TANGO6: variants seen among roughly 807,000 people sequenced by gnomAD.
The protein encoded by TANGO6 is transport and Golgi organization protein 6 homolog.
Under a neutral mutation model 114.2 loss-of-function variants are expected in TANGO6, and 90 were observed. That is an observed-to-expected ratio of 0.79 (90% CI 0.66 to 0.94). The LOEUF (loss-of-function observed/expected upper bound fraction) is 0.94, where lower values mean the gene tolerates loss of function less well. Among genes scored for constraint, TANGO6 ranks in the 40% least tolerant of loss-of-function variants. TANGO6 has a pLI of 0.00. For missense variants in TANGO6, 1,274 were observed against 1,315.3 expected (o/e 0.97, Z 0.49); for synonymous variants, 477 against 509.8 (o/e 0.94, Z 0.87).
intron 4 of TANGO6, among the ~76,000 whole-genome samples, chr16:68,871,829 A>G (rs1352763757): frequency 6.6e-6 from 1 of 152,202 alleles, no homozygotes; most frequent in Non-Finnish European, 1.5e-5. Flanking sequence ...CATATTGCCC[A>G]GGCAGGTCTT....
chr16:68,875,159 G>A lies in TANGO6; in HGVS notation c.1000G>A (p.Ala334Thr). 1 of 1,610,672 alleles carries A rather than the reference G, an allele frequency of 6.2e-7. No individual in the cohort carries two copies. ...RGILEGAGAG[A>T]AGGSDAEVTA... is the part of the protein sequence containing the mutation. ...ATCTCTCTCCATTGTGCCAGCGGGA[G>A]CAGCTGGTGGAAGTGATGCTGAGGT... Residue 334 changes from alanine (A) to threonine (T), a missense_variant, in exon 5 of 18, where the codon GCA (alanine) becomes ACA (threonine). Physicochemically the swap from Ala to Thr is moderately conservative, Grantham distance 58. This residue lies in a region of TANGO6 where 908 missense variants were observed against 910.2 expected (regional missense o/e 1.00). Transcript: ENST00000261778.
chr16:69,078,164 G>A (rs1391194191), intron 17 of TANGO6, among the ~76,000 whole-genome samples: 1 of 152,178 alleles, frequency 6.6e-6, no homozygotes, highest in Non-Finnish European at 1.5e-5. Context: ...GCCTTGAGAG[G>A]AGCTTTGTTC....
chr16:68,927,590 T>C lies in TANGO6; in HGVS notation c.2150T>C (p.Val717Ala). 6.2e-7 allele frequency: 1 copy of C among 1,613,578 alleles called. No homozygotes were observed. The highest frequency in any genetic ancestry group is 8.5e-7 in the Non-Finnish European group (1 of 1,179,570). Residue 717 changes from valine to alanine, a missense_variant, in exon 13 of 18, where the codon GTT (valine) becomes GCT (alanine). This residue lies in a region of TANGO6 where 908 missense variants were observed against 910.2 expected (regional missense o/e 1.00). Coordinates refer to ENST00000261778, the MANE Select transcript of TANGO6 (RefSeq NM_024562.2). ...TAGTTGAAGTCAAGTGATTTTGCTG[T>C]TCTGAAGCAGTTGTTGCCTCTGTTG... ...AVQLKSSDFA[V>A]LKQLLPLLEK...
intron 17 of TANGO6, among the ~76,000 whole-genome samples, chr16:69,060,384 TG>T (rs1960096063): frequency 6.6e-6 from 1 of 152,044 alleles, no homozygotes; most frequent in Non-Finnish European, 1.5e-5. Flanking sequence ...AAATCATTTC[TG>T]TAAGAGGCCT....
rs1963051862 is a variant in TANGO6 at position 68,919,072 on chromosome 16, C to G, written c.1993-13C>G. 1 of 1,600,338 alleles carries G rather than the reference C, an allele frequency of 6.2e-7. No homozygotes were observed. The highest frequency in any genetic ancestry group is 8.5e-7 in the Non-Finnish European group (1 of 1,172,826). ...TCATTCCTCATTGATTCTCAATTCCCTTTTTTGGGTAGGTGGTGGACTTTG... is the reference window on the plus strand; with the variant it reads ...TCATTCCTCATTGATTCTCAATTCCGTTTTTTGGGTAGGTGGTGGACTTTG... On this transcript the variant is annotated splice_polypyrimidine_tract_variant and intron_variant, in intron 11 of 17. Transcript: ENST00000261778.
At chr16:68,902,558 C>A in intron 9 of TANGO6, 54 bp downstream of exon 9, 1 of 1,454,338 alleles carries the variant, frequency 6.9e-7, no homozygotes, top group Non-Finnish European at 9.1e-7. Flanking sequence ...GCCCAAAAGG[C>A]CATTCAGTGA....
rs376126358 is a variant in TANGO6, at chr16:68,996,746, T to A, written c.2842+22578T>A. Among the ~76,000 whole-genome samples the A allele has an allele frequency of 8.7e-4, 133 of 152,340 alleles. 6 individuals carry two copies. In the South Asian group the frequency reaches 0.025, roughly 29 times the overall value. ...TATGTATTGCATCCTTTGACCATTTTATGCTTTTACCTTTTTTCTCCCCAA... is the reference window on the plus strand; with the variant it reads ...TATGTATTGCATCCTTTGACCATTTAATGCTTTTACCTTTTTTCTCCCCAA... On this transcript the variant is annotated intron_variant, in intron 15 of 17. Coordinates refer to ENST00000261778, the MANE Select transcript of TANGO6 (RefSeq NM_024562.2).
intron 15 of TANGO6, among the ~76,000 whole-genome samples, chr16:69,006,318 A>G (rs1567557283): frequency 6.6e-6 from 1 of 152,238 alleles, no homozygotes; most frequent in Non-Finnish European, 1.5e-5. Flanking sequence ...GATTGTGCTT[A>G]CACACATAGA....
chr16:68,990,648 C>T (rs1963938579), intron 15 of TANGO6, among the ~76,000 whole-genome samples: 1 of 152,148 alleles, frequency 6.6e-6, no homozygotes, highest in Non-Finnish European at 1.5e-5. Context: ...CTCAAGTGAT[C>T]CTCCCACCTC....
At chr16:68,940,918 G>A (rs745828732) in intron 14 of TANGO6, among the ~76,000 whole-genome samples, 3 of 152,022 alleles carry the variant, frequency 2.0e-5, no homozygotes, top group East Asian at 1.9e-4. Flanking sequence ...ACAGTCTTGC[G>A]GCTGGGAAGC....
intron 15 of TANGO6, among the ~76,000 whole-genome samples, chr16:69,020,944 T>TGTGTGTGTG (rs1959395979): frequency 7.1e-5 from 10 of 141,260 alleles, no homozygotes; most frequent in Non-Finnish European, 1.1e-4. Flanking sequence ...GTGTGTGTGG[T>TGTGTGTGTG]GTGTGTGTGT....
intron 17 of TANGO6, among the ~76,000 whole-genome samples, chr16:69,077,468 T>A (rs1298240934): frequency 6.6e-6 from 1 of 152,002 alleles, no homozygotes; most frequent in African/African-American, 2.4e-5. Context: ...TCACTCATAC[T>A]TTTTTTTAGG....
At chr16:68,932,396 A>G (rs969132232) in intron 14 of TANGO6, among the ~76,000 whole-genome samples, 2 of 152,188 alleles carry the variant, frequency 1.3e-5, no homozygotes, top group Non-Finnish European at 2.9e-5. Flanking sequence ...TGGCCAAAAT[A>G]AAATTTAATT....
intron 17 of TANGO6, among the ~76,000 whole-genome samples, chr16:69,082,503 T>C (rs1274233662): frequency 6.6e-6 from 1 of 151,614 alleles, no homozygotes; most frequent in Non-Finnish European, 1.5e-5. Context: ...TAGCAATACT[T>C]TGGGAGGCCG....
chr16:69,021,886 C>CTT (rs757995347), intron 15 of TANGO6, among the ~76,000 whole-genome samples: 11 of 127,862 alleles, frequency 8.6e-5, no homozygotes, highest in African/African-American at 2.3e-4. Flanking sequence ...ATTTTTTTTT[C>CTT]TTTTTTTTTT....
At position 68,974,033 on chromosome 16, in the gene TANGO6, G is replaced by T; in HGVS notation, c.2707G>T (p.Ala903Ser). Reference sequence around the variant, plus strand: ...CTTTTTGTTTTCAACCCCAGGGGTTGCCCTGCTGTCAGACGTCTATCCTGA... The same window carrying T: ...CTTTTTGTTTTCAACCCCAGGGGTTTCCCTGCTGTCAGACGTCTATCCTGA... ...FVYLSAIQGV[A>S]LLSDVYPEKI... The change falls in exon 15 of 18, where the codon GCC (alanine) becomes TCC (serine). Residue 903 changes from alanine (A) to serine (S), a missense_variant. Ala to Ser is a moderately conservative substitution (Grantham distance 99, BLOSUM62 1). Transcript: ENST00000261778. 1 of 1,605,928 alleles carries T rather than the reference G, an allele frequency of 6.2e-7. No homozygotes were observed. Among genetic ancestry groups the T allele is most frequent in the Non-Finnish European group, 8.5e-7 (1 of 1,176,248 alleles).
At chr16:69,027,154 G>A (rs966436160) in intron 16 of TANGO6, among the ~76,000 whole-genome samples, 5 of 152,108 alleles carry the variant, frequency 3.3e-5, no homozygotes, top group African/African-American at 1.2e-4. Flanking sequence ...GAGCCACCGC[G>A]CCCGGGCCTG....
At chr16:69,004,597 G>A (rs904998169) in intron 15 of TANGO6, among the ~76,000 whole-genome samples, 16 of 151,880 alleles carry the variant, frequency 1.1e-4, no homozygotes, top group African/African-American at 2.2e-4. Flanking sequence ...CTTGTGATCC[G>A]CCCGCCTCAA....
intron 1 of TANGO6, among the ~76,000 whole-genome samples, chr16:68,856,534 T>C (rs1439182525): frequency 6.6e-6 from 1 of 152,202 alleles, no homozygotes; most frequent in African/African-American, 2.4e-5. Flanking sequence ...TTCCGTTTTT[T>C]AGAACAGCTT....
Sources: allele counts gnomAD v4.1 joint callset (sites outside exome capture counted in the v4.1 genomes callset), GRCh38; gene constraint gnomAD v4.1.1; regional missense constraint gnomAD v4.1.1; transcripts MANE v1.5; gene names NCBI Gene and HGNC (gene_info 2026-07-23, HGNC 2026-07-21).